The following AQP11 variants were observed in gnomAD, a reference collection of about 807,000 sequenced individuals.
AQP11 encodes aquaporin 11.
Under a neutral mutation model 21.1 loss-of-function variants are expected in AQP11, and 20 were observed. The observed-to-expected ratio is 0.95, with a 90% CI of 0.67 to 1.38. The LOEUF (loss-of-function observed/expected upper bound fraction) is 1.38. Among genes scored for constraint, AQP11 ranks in the 40% most tolerant of loss-of-function variants. The pLI is 0.00. For missense variants in AQP11, 339 were observed against 340.4 expected (o/e 1.00, Z 0.03); for synonymous variants, 167 against 150.1 (o/e 1.11, Z -0.82).
chr11:77,606,807 C>T (rs1958849315), intron 2 of AQP11, among the ~76,000 whole-genome samples: 1 of 152,172 alleles, frequency 6.6e-6, no homozygotes, highest in Admixed American at 6.5e-5. Context: ...GTTGCTCAGG[C>T]TGGTCTCGAA....
chr11:77,593,463 G>A (rs921714492), intron 1 of AQP11, among the ~76,000 whole-genome samples: 2 of 152,098 alleles, frequency 1.3e-5, no homozygotes, highest in African/African-American at 2.4e-5. Context: ...GTGAAACCCC[G>A]TCTCTACTAA....
rs778957017 is a variant in AQP11, at chr11:77,590,088, C to T, written c.96C>T (p.Arg32=). ...TGGTGCTGCTCATGGGGCTGGCCCG[C>T]GTAGTCGCCCGGCAGCAGCTGCACA... ...LSVVLLMGLA[R]VVARQQLHRP... is the part of the protein sequence containing the mutation. The change falls in exon 1 of 3, where the codon CGC becomes CGT. Residue 32 remains arginine, a synonymous_variant. Coordinates refer to ENST00000313578, the MANE Select transcript of AQP11 (RefSeq NM_173039.3). The T allele has an allele frequency of 8.7e-6, 14 of 1,607,332 alleles. No homozygotes were observed. The highest frequency in any genetic ancestry group is 5.5e-5 in the South Asian group (5 of 90,892).
At chr11:77,601,217 C>A (rs979537438) in intron 1 of AQP11, among the ~76,000 whole-genome samples, 1 of 151,830 alleles carries the variant, frequency 6.6e-6, no homozygotes, top group African/African-American at 2.4e-5. Flanking sequence ...GGACAGCTCA[C>A]AACAAAGAAT....
intron 1 of AQP11, among the ~76,000 whole-genome samples, chr11:77,596,455 A>AAT (rs1554976392): frequency 6.8e-5 from 9 of 131,754 alleles, no homozygotes; most frequent in East Asian, 2.1e-4. Flanking sequence ...AAAAAAAAAA[A>AAT]ATATATATAT....
chr11:77,590,436 C>A lies in AQP11; in HGVS notation c.444C>A (p.Val148=). ...LWSLGLTQYH[V]SERSFACKNP... ...GCTTGGGTCTGACCCAGTATCACGTCAGCGAGAGGAGCTTCGCTTGCAAGA... is the reference window on the plus strand; with the variant it reads ...GCTTGGGTCTGACCCAGTATCACGTAAGCGAGAGGAGCTTCGCTTGCAAGA... Residue 148 remains valine (V), a synonymous_variant, in exon 1 of 3, where the codon GTC becomes GTA. Coordinates refer to ENST00000313578, the MANE Select transcript of AQP11 (RefSeq NM_173039.3). The A allele has an allele frequency of 6.2e-7, 1 of 1,614,124 alleles. No homozygotes were observed. Among genetic ancestry groups the A allele is most frequent in the Non-Finnish European group, 8.5e-7 (1 of 1,180,042 alleles).
rs1267558705 is a variant in AQP11, at chr11:77,609,224, T to C, written c.737-74T>C. On this transcript the variant is annotated intron_variant, in intron 2 of 2. Transcript: ENST00000313578. ...ACATCTAGGTATATAATTGTAATTT[T>C]AAAATATACCCACCTAGTGATTATG... 3 of 1,143,810 alleles carry C rather than the reference T, an allele frequency of 2.6e-6. No homozygotes were observed. In the South Asian group the frequency reaches 4.5e-5, roughly 17 times the overall value. 70.9% of individuals were successfully genotyped at this position (1,143,810 alleles called of 1,614,324 possible).
At chr11:77,605,713 G>A (rs1476284601) in intron 2 of AQP11, among the ~76,000 whole-genome samples, 2 of 152,096 alleles carry the variant, frequency 1.3e-5, no homozygotes, top group Admixed American at 6.5e-5. Context: ...AAAAGGTTGA[G>A]GATCTCTGTG....
At chr11:77,595,818 G>C (rs1958775079) in intron 1 of AQP11, among the ~76,000 whole-genome samples, 1 of 152,086 alleles carries the variant, frequency 6.6e-6, no homozygotes, top group Admixed American at 6.6e-5. Flanking sequence ...CTACTTGGGA[G>C]GCTGAGGCAG....
At chr11:77,607,431 G>A (rs1370594800) in intron 2 of AQP11, among the ~76,000 whole-genome samples, 1 of 152,174 alleles carries the variant, frequency 6.6e-6, no homozygotes, top group African/African-American at 2.4e-5. Context: ...ACAGAGGAAA[G>A]AGTAATCCCA....
chr11:77,593,886 G>T (rs1168553661), intron 1 of AQP11, among the ~76,000 whole-genome samples: 1 of 152,076 alleles, frequency 6.6e-6, no homozygotes, highest in Non-Finnish European at 1.5e-5. Context: ...CCATAAAAAG[G>T]AATGAAGTTA....
At chr11:77,600,107 A>C (rs1300959670) in intron 1 of AQP11, among the ~76,000 whole-genome samples, 6 of 147,340 alleles carry the variant, frequency 4.1e-5, no homozygotes, top group Non-Finnish European at 3.0e-5. Context: ...CTACAGGTGC[A>C]CGCCACCATG....
At chr11:77,606,783 A>G (rs956205881) in intron 2 of AQP11, among the ~76,000 whole-genome samples, 11 of 152,104 alleles carry the variant, frequency 7.2e-5, no homozygotes, top group Admixed American at 1.3e-4. Context: ...TTTTTATAGA[A>G]ACGGGGTTTC....
At position 77,605,417 on chromosome 11, in the gene AQP11, C is replaced by G. The variant is rs193002543; in HGVS notation, c.736+1745C>G. On this transcript the variant is annotated intron_variant, in intron 2 of 2. Transcript: ENST00000313578. ...AAGGCAAAGGTCCCCAAACCCCAGG[C>G]TGCAGACCAGTATAGTCCGTGGCCT... Among the ~76,000 whole-genome samples the G allele has an allele frequency of 1.8e-3, 279 of 152,278 alleles. 2 individuals are homozygous for G. In the South Asian group the frequency reaches 0.028, roughly 15 times the overall value.
At chr11:77,603,382 G>A (rs2135750016) in intron 1 of AQP11, among the ~76,000 whole-genome samples, 174 bp from the exon 2 acceptor site, 1 of 152,108 alleles carries the variant, frequency 6.6e-6, no homozygotes, top group South Asian at 2.1e-4. Context: ...TTTATAGTAA[G>A]TGGCATATTA....
At chr11:77,603,962 AT>A (rs1958830262) in intron 2 of AQP11, among the ~76,000 whole-genome samples, 1 of 151,844 alleles carries the variant, frequency 6.6e-6, no homozygotes, top group Admixed American at 6.6e-5. Context: ...TGCTAAAGAA[AT>A]TTGTTTTTTC....
intron 1 of AQP11, among the ~76,000 whole-genome samples, chr11:77,596,866 A>T (rs1399729064): frequency 1.0e-5 from 1 of 98,910 alleles, no homozygotes; most frequent in South Asian, 3.1e-4. Context: ...TTTCAATTTA[A>T]AAAAAAAAAG....
intron 1 of AQP11, among the ~76,000 whole-genome samples, chr11:77,592,610 T>C (rs115724804): frequency 1.3e-5 from 2 of 152,370 alleles, no homozygotes; most frequent in African/African-American, 2.4e-5. Context: ...CCATAGATAA[T>C]ACTGTATATA....
intron 1 of AQP11, among the ~76,000 whole-genome samples, chr11:77,595,624 C>G (rs906136469): frequency 1.5e-4 from 23 of 152,044 alleles, no homozygotes; most frequent in Non-Finnish European, 3.4e-4. Context: ...AAAAACTGTA[C>G]AGGAAGAAAT....
At chr11:77,606,893 C>T (rs1958849823) in intron 2 of AQP11, among the ~76,000 whole-genome samples, 1 of 152,154 alleles carries the variant, frequency 6.6e-6, no homozygotes, top group Non-Finnish European at 1.5e-5. Context: ...CCATACTTGG[C>T]TGAGATCAAA....
Sources: gnomAD v4.1 joint callset for allele counts (sites outside exome capture counted in the v4.1 genomes callset) on GRCh38, gnomAD v4.1.1 for gene constraint, MANE v1.5 for transcripts, NCBI Gene and HGNC (gene_info 2026-07-23, HGNC 2026-07-21) for gene names.